Variants in MYLK3 observed in about 807,000 individuals in gnomAD.
MYLK3 encodes the protein MLC kinase.
A neutral mutation model predicts 76.3 loss-of-function variants in MYLK3; 55 were observed. The observed-to-expected ratio is 0.72, with a 90% CI of 0.58 to 0.90. MYLK3 has a LOEUF of 0.90. Among genes scored for constraint, MYLK3 ranks in the 40% least tolerant of loss-of-function variants. The pLI, the probability that MYLK3 is intolerant of heterozygous loss-of-function variation, is 0.00. For synonymous variants in MYLK3, 416 were observed against 425.4 expected, an observed-to-expected ratio of 0.98 and a Z score of 0.27; for missense variants, 973 against 1,053.6, an observed-to-expected ratio of 0.92 and a Z score of 1.06.
chr16:46,712,261 C>T lies in MYLK3; in HGVS notation c.2114+387G>A, dbSNP rs538354220. ...CCCACCTTGGCCTCCCAAAGTGCTG[C>T]GATTACAGGCATGAGCCACCATGCC... On this transcript the variant is annotated intron_variant, in intron 10 of 12. Transcript: ENST00000394809. 1.3e-4 allele frequency among the ~76,000 whole-genome samples: 19 copies of T among 151,944 alleles called. No individual in the cohort carries two copies. The Middle Eastern group carries it at 0.01, about 82-fold the overall frequency.
intron 2 of MYLK3, among the ~76,000 whole-genome samples, 175 bp from the exon 3 acceptor site, chr16:46,738,318 G>A (rs1387886219): frequency 2.0e-5 from 3 of 152,274 alleles, no homozygotes; most frequent in Admixed American, 6.5e-5. Context: ...CCAACAAGGA[G>A]TGCGGCACAG....
chr16:46,732,449 G>A lies in MYLK3; in HGVS notation c.1221C>T (p.Ser407=). ...CCTCTGCCTTCACTCCCCCGGGGCTGCTGCTCTCCTGCAGCGGGGAGAGCT... is the reference window on the plus strand; with the variant it reads ...CCTCTGCCTTCACTCCCCCGGGGCTACTGCTCTCCTGCAGCGGGGAGAGCT... ...ARELSPLQES[S]SPGGVKAEEE... The change falls in exon 4 of 13, where the codon AGC becomes AGT. Residue 407 remains serine, a synonymous_variant. Transcript: ENST00000394809. The A allele has an allele frequency of 6.2e-7, 1 of 1,612,474 alleles. No homozygotes were observed. Among genetic ancestry groups the A allele is most frequent in the Non-Finnish European group, 8.5e-7 (1 of 1,180,008 alleles).
intron 2 of MYLK3, among the ~76,000 whole-genome samples, chr16:46,739,220 C>T (rs1440232808): frequency 6.6e-6 from 1 of 152,134 alleles, no homozygotes; most frequent in African/African-American, 2.4e-5. Context: ...CTCCTGGGCT[C>T]AAATGATACT....
intron 1 of MYLK3, among the ~76,000 whole-genome samples, chr16:46,740,834 G>A (rs1966919914): frequency 6.6e-6 from 1 of 152,116 alleles, no homozygotes; most frequent in Admixed American, 6.6e-5. Context: ...TTACAGATGT[G>A]AGCTACCACG....
At chr16:46,748,443 T>C (rs1967069355), upstream of MYLK3, 1 of 578,842 alleles carries the variant, frequency 1.7e-6, no homozygotes, top group South Asian at 3.4e-5. The surrounding 1 kb of genome is among the most constrained non-coding windows in gnomAD (Gnocchi z 4.3). Flanking sequence ...GCCCAGGCCC[T>C]TCTCCTTGGG....
At chr16:46,742,908 G>A (rs1221897376) in intron 1 of MYLK3, among the ~76,000 whole-genome samples, 1 of 152,192 alleles carries the variant, frequency 6.6e-6, no homozygotes, top group East Asian at 1.9e-4. Context: ...GCATGAAACA[G>A]ACCTCCTCCT....
At chr16:46,749,239 G>A (rs765693078), upstream of MYLK3, among the ~76,000 whole-genome samples, 4 of 152,298 alleles carry the variant, frequency 2.6e-5, no homozygotes, top group East Asian at 1.9e-4. Flanking sequence ...TCCCAAGGAC[G>A]CCACGGAGCA....
intron 8 of MYLK3, among the ~76,000 whole-genome samples, chr16:46,723,482 T>G (rs989686726): frequency 3.9e-5 from 6 of 152,244 alleles, no homozygotes; most frequent in African/African-American, 1.4e-4. Flanking sequence ...TGTCAACTTA[T>G]GTTTTAATTC....
chr16:46,717,239 C>G (rs1195302032), intron 9 of MYLK3, among the ~76,000 whole-genome samples: 1 of 152,158 alleles, frequency 6.6e-6, no homozygotes. Flanking sequence ...GCAGGACACC[C>G]AGCTGGCATC....
intron 12 of MYLK3, among the ~76,000 whole-genome samples, chr16:46,708,949 A>C (rs772425832): frequency 6.6e-6 from 1 of 152,248 alleles, no homozygotes; most frequent in African/African-American, 2.4e-5. Context: ...TGCCACTGAG[A>C]ACATATGCTT....
rs780679445 is a variant in MYLK3, at chr16:46,747,726, G to A, written c.468C>T (p.Ser156=). The change falls in exon 1 of 13, where the codon AGC becomes AGT. Residue 156 remains serine, a synonymous_variant. Coordinates refer to ENST00000394809, the MANE Select transcript of MYLK3 (RefSeq NM_182493.3). ...VPWRRGSPGD[S]PEENKERVEE... ...GGAAGCAGGAACCAACCTCCTCAGG[G>A]CTGTCACCTGGGCTGCCTCTCCTCC... is the stretch of plus-strand genomic sequence containing the variant. 2.5e-6 allele frequency: 4 copies of A among 1,613,196 alleles called. No individual in the cohort carries two copies. Among genetic ancestry groups the A allele is most frequent in the Non-Finnish European group, 3.4e-6 (4 of 1,179,714 alleles).
In MYLK3 at chr16:46,702,372, G is replaced by A. The variant is rs952068823; in HGVS notation, c.*5332C>T. On this transcript the variant is annotated 3_prime_UTR_variant, in exon 13 of 13. Transcript: ENST00000394809. ...AATACATACAACAGTAAAGAGGACA[G>A]TATAATGAAACCCATACACATCACC... is the stretch of plus-strand genomic sequence containing the variant. Among the ~76,000 whole-genome samples, 1 of 152,122 alleles carries A rather than the reference G, an allele frequency of 6.6e-6. No homozygotes were observed. The highest frequency in any genetic ancestry group is 1.5e-5 in the Non-Finnish European group (1 of 68,016).
chr16:46,742,468 ACACACACACACACACAC>A (rs1465635838), intron 1 of MYLK3, among the ~76,000 whole-genome samples: 3 of 151,586 alleles, frequency 2.0e-5, no homozygotes, highest in African/African-American at 7.3e-5. Flanking sequence ...ACACACACAC[ACACACACACACACACAC>A]ACACACAGAA....
intron 1 of MYLK3, among the ~76,000 whole-genome samples, chr16:46,759,274 C>G (rs1278821821): frequency 6.6e-6 from 1 of 152,246 alleles, no homozygotes; most frequent in African/African-American, 2.4e-5. Flanking sequence ...CAAATGGAAT[C>G]AGCCTGAAAA....
At chr16:46,737,414 G>T (rs1966873572) in intron 3 of MYLK3, among the ~76,000 whole-genome samples, 1 of 152,140 alleles carries the variant, frequency 6.6e-6, no homozygotes, top group Non-Finnish European at 1.5e-5. Flanking sequence ...TTCCCCATTA[G>T]GACCACCTGG....
upstream of MYLK3, among the ~76,000 whole-genome samples, chr16:46,748,981 C>T (rs1234914329): frequency 1.3e-5 from 2 of 152,212 alleles, no homozygotes; most frequent in Admixed American, 1.3e-4. This position sits in a 1 kb window ranked among gnomAD's most constrained non-coding sequence, Gnocchi z 4.3. Context: ...CTCAGGGGGA[C>T]ACTCACCAGA....
intron 1 of MYLK3, among the ~76,000 whole-genome samples, chr16:46,744,884 G>A (rs1567291250): frequency 6.6e-6 from 1 of 152,006 alleles, no homozygotes; most frequent in East Asian, 1.9e-4. Context: ...TGTGATGATA[G>A]TATCAAGATT....
chr16:46,707,860 A>C, intron 12 of MYLK3, 97 bp from the exon 13 acceptor site: 2 of 800,360 alleles, frequency 2.5e-6, no homozygotes, highest in Non-Finnish European at 4.0e-6. Flanking sequence ...GAGTCCAGCC[A>C]CTGGGGTTGG....
rs374377271 is a variant in MYLK3 at position 46,722,007 on chromosome 16, T to C, written c.1915-814A>G. On this transcript the variant is annotated intron_variant, in intron 8 of 12. Coordinates refer to ENST00000394809, the MANE Select transcript of MYLK3 (RefSeq NM_182493.3). ...TTAAGGAGAGCAGAGCTGCTGAATG[T>C]CCACCTGCCATTCTGCAGTGACAGC... Among the ~76,000 whole-genome samples the C allele has an allele frequency of 3.6e-3, 550 of 152,306 alleles. 2 individuals carry two copies. In the Middle Eastern group the frequency reaches 0.037, roughly 10 times the overall value.
Sources: allele counts gnomAD v4.1 joint callset (sites outside exome capture counted in the v4.1 genomes callset), GRCh38; gene constraint gnomAD v4.1.1; non-coding constraint Gnocchi (gnomAD v3.1); transcripts MANE v1.5; gene names NCBI Gene and HGNC (gene_info 2026-07-23, HGNC 2026-07-21).